RAB3C: variants seen among roughly 807,000 people sequenced by gnomAD.
The protein encoded by RAB3C is RAB3C, member RAS oncogene family, also known as ras-related protein Rab-3C.
In RAB3C, 17 loss-of-function variants were observed where a neutral mutation model predicts 26.4. The observed-to-expected ratio is 0.64, with a 90% CI of 0.44 to 0.97. The LOEUF is 0.97. Among genes scored for constraint, RAB3C ranks in the 50% least tolerant of loss-of-function variants. The pLI is 0.00. For synonymous variants in RAB3C, 91 were observed against 95.9 expected (o/e 0.95, Z 0.30); for missense variants, 242 against 281.9 (o/e 0.86, Z 1.01).
At chr5:58,800,157 A>G (rs993655792) in intron 3 of RAB3C, among the ~76,000 whole-genome samples, 1 of 152,216 alleles carries the variant, frequency 6.6e-6, no homozygotes, top group African/African-American at 2.4e-5. Context: ...ACCTAATACA[A>G]TTCTTTGGCA....
At chr5:58,603,439 A>G (rs1746498779) in intron 1 of RAB3C, among the ~76,000 whole-genome samples, 1 of 152,132 alleles carries the variant, frequency 6.6e-6, no homozygotes, top group Non-Finnish European at 1.5e-5. Flanking sequence ...CTTCTTCAGG[A>G]ACACTGATTA....
At chr5:58,738,462 A>G (rs1741201888) in intron 3 of RAB3C, among the ~76,000 whole-genome samples, 1 of 152,168 alleles carries the variant, frequency 6.6e-6, no homozygotes, top group Non-Finnish European at 1.5e-5. Context: ...ATAGTTCGAA[A>G]CACATGTTAG....
At chr5:58,615,677 C>T (rs886967230) in intron 1 of RAB3C, among the ~76,000 whole-genome samples, 1 of 152,138 alleles carries the variant, frequency 6.6e-6, no homozygotes, top group African/African-American at 2.4e-5. Context: ...AGAGGCCGAC[C>T]TCTGCCCACT....
At chr5:58,743,560 C>A (rs989862095) in intron 3 of RAB3C, among the ~76,000 whole-genome samples, 3 of 152,104 alleles carry the variant, frequency 2.0e-5, no homozygotes, top group African/African-American at 7.2e-5. Context: ...TCTCCCTCCC[C>A]CTTGGCCCCC....
intron 2 of RAB3C, among the ~76,000 whole-genome samples, chr5:58,673,867 C>G (rs1748172253): frequency 1.3e-5 from 2 of 152,176 alleles, no homozygotes; most frequent in Admixed American, 6.5e-5. Flanking sequence ...ATGGCTGTGA[C>G]TCCTGCGGTA....
chr5:58,670,689 G>A (rs758874380), intron 2 of RAB3C, among the ~76,000 whole-genome samples: 4 of 152,122 alleles, frequency 2.6e-5, no homozygotes, highest in Admixed American at 6.5e-5. Flanking sequence ...TAGACTGTCC[G>A]CCCGAAGTGT....
At chr5:58,710,584 G>C (rs965747972) in intron 2 of RAB3C, among the ~76,000 whole-genome samples, 7 of 147,510 alleles carry the variant, frequency 4.7e-5, no homozygotes, top group Middle Eastern at 3.5e-3. Flanking sequence ...GGGCAAAAGA[G>C]CAAGACTCTG....
chr5:58,675,615 C>CTTTTTTTTTT (rs1195191076), intron 2 of RAB3C, among the ~76,000 whole-genome samples: 2 of 89,402 alleles, frequency 2.2e-5, no homozygotes, highest in African/African-American at 4.0e-5. Flanking sequence ...GGCCATTTGT[C>CTTTTTTTTTT]TTTTTTTTTT....
At chr5:58,662,522 C>T (rs1345817867) in intron 2 of RAB3C, among the ~76,000 whole-genome samples, 1 of 150,114 alleles carries the variant, frequency 6.7e-6, no homozygotes, top group East Asian at 1.9e-4. Context: ...TTAATTCTTA[C>T]AGCAACCACA....
chr5:58,665,899 TG>T (rs1173105055), intron 2 of RAB3C, among the ~76,000 whole-genome samples: 70 of 152,300 alleles, frequency 4.6e-4, no homozygotes, highest in African/African-American at 1.3e-3. Context: ...AATGAAGTCA[TG>T]GAATACTACA....
chr5:58,584,771 T>G (rs1466042239), intron 1 of RAB3C, among the ~76,000 whole-genome samples: 1 of 152,160 alleles, frequency 6.6e-6, no homozygotes, highest in Non-Finnish European at 1.5e-5. Context: ...AAGTAAACTA[T>G]GTATGCACTG....
chr5:58,603,234 C>T (rs963548796), intron 1 of RAB3C, among the ~76,000 whole-genome samples: 1 of 152,176 alleles, frequency 6.6e-6, no homozygotes, highest in Non-Finnish European at 1.5e-5. Flanking sequence ...TTCTGTCTCA[C>T]AGCTCTTAAG....
chr5:58,689,205 A>G (rs777774927), intron 2 of RAB3C: 7 of 151,952 alleles, frequency 4.6e-5, no homozygotes, highest in Non-Finnish European at 7.4e-5. Flanking sequence ...CTGAACTCTT[A>G]ATTATTACTA....
chr5:58,634,577 G>A (rs1309016586), intron 2 of RAB3C, among the ~76,000 whole-genome samples: 3 of 152,132 alleles, frequency 2.0e-5, no homozygotes, highest in Admixed American at 1.3e-4. Context: ...ATTAGTTCTT[G>A]TTATTATTTG....
intron 4 of RAB3C, among the ~76,000 whole-genome samples, chr5:58,849,043 T>C (rs1316952268): frequency 2.0e-5 from 3 of 152,202 alleles, no homozygotes; most frequent in African/African-American, 7.2e-5. Flanking sequence ...TGACCTCAAA[T>C]TGTATACCAA....
chr5:58,715,282 ATT>A (rs561775687), intron 2 of RAB3C, among the ~76,000 whole-genome samples: 150 of 148,334 alleles, frequency 1.0e-3, no homozygotes, highest in African/African-American at 3.5e-3. Context: ...GACTAAAAGT[ATT>A]TTTTTTTTCC....
intron 3 of RAB3C, among the ~76,000 whole-genome samples, chr5:58,824,184 A>G (rs1460047068): frequency 1.3e-5 from 2 of 152,034 alleles, no homozygotes; most frequent in Non-Finnish European, 1.5e-5. Flanking sequence ...CGCAATAAAC[A>G]TACGTGTGCG....
intron 2 of RAB3C, among the ~76,000 whole-genome samples, chr5:58,628,565 C>T (rs1747116525): frequency 6.6e-6 from 1 of 152,200 alleles, no homozygotes; most frequent in Non-Finnish European, 1.5e-5. Context: ...TTGGACCTCT[C>T]ATTCATCCCA....
At chr5:58,590,337 G>A (rs1418767420) in intron 1 of RAB3C, among the ~76,000 whole-genome samples, 1 of 151,722 alleles carries the variant, frequency 6.6e-6, no homozygotes, top group Non-Finnish European at 1.5e-5. Context: ...ATCATCTGAG[G>A]TTTCTCCGTC....
Sources: gnomAD v4.1 joint callset for allele counts (sites outside exome capture counted in the v4.1 genomes callset) on GRCh38, gnomAD v4.1.1 for gene constraint, MANE v1.5 for transcripts, NCBI Gene and HGNC (gene_info 2026-07-23, HGNC 2026-07-21) for gene names.